The following RB1 variants were observed in gnomAD, a reference collection of about 807,000 sequenced individuals.
RB1 encodes RB transcriptional corepressor 1.
In RB1, 18 loss-of-function variants were observed where a neutral mutation model predicts 135.4. That is an observed-to-expected ratio of 0.13 (90% CI 0.09 to 0.20). The LOEUF (loss-of-function observed/expected upper bound fraction) is 0.20, where lower values mean the gene tolerates loss of function less well. Among genes scored for constraint, RB1 ranks in the 10% least tolerant of loss-of-function variants. The pLI, the probability that RB1 is intolerant of heterozygous loss-of-function variation, is 1.00. For missense variants in RB1, 868 were observed against 1,110.0 expected (o/e 0.78, Z 3.10); for synonymous variants, 365 against 373.2 (o/e 0.98, Z 0.25).
At position 48,480,170 on chromosome 13, in the gene RB1, T is replaced by C. The variant is rs1202390798; in HGVS notation, c.*99T>C. ...TTCCCAGGTTCTGTTTATGGCCACA[T>C]TTAATATCTTCAGCTCTTTTTGTGG... On this transcript the variant is annotated 3_prime_UTR_variant, in exon 27 of 27. Transcript: ENST00000267163. The C allele has an allele frequency of 2.1e-6, 2 of 963,910 alleles. No individual in the cohort carries two copies. The highest frequency in any genetic ancestry group is 3.3e-6 in the Non-Finnish European group (2 of 605,272). 59.7% of individuals were successfully genotyped at this position (963,910 alleles called of 1,614,324 possible).
intron 17 of RB1, chr13:48,411,421 T>C (rs1948798065): frequency 2.5e-6 from 4 of 1,612,692 alleles, no homozygotes; most frequent in African/African-American, 2.7e-5. Context: ...AATATCTTAC[T>C]TTTTAAGGTC....
At chr13:48,472,166 A>G (rs1949474908) in intron 23 of RB1, among the ~76,000 whole-genome samples, 1 of 152,216 alleles carries the variant, frequency 6.6e-6, no homozygotes, top group East Asian at 1.9e-4. Flanking sequence ...ATGTAGTCTC[A>G]TCTCAGAAAT....
At chr13:48,336,042 T>TGG (rs1952382258) in intron 2 of RB1, among the ~76,000 whole-genome samples, 2 of 152,052 alleles carry the variant, frequency 1.3e-5, no homozygotes, top group South Asian at 4.1e-4. Context: ...AAAAGTTGCA[T>TGG]GGAGGTATAC....
intron 2 of RB1, among the ~76,000 whole-genome samples, chr13:48,323,888 A>T (rs928017396): frequency 1.3e-5 from 2 of 152,050 alleles, no homozygotes; most frequent in East Asian, 3.8e-4. Context: ...AGCTTTCATG[A>T]TAGCATGCAT....
At chr13:48,400,997 A>T (rs1368846032) in intron 17 of RB1, among the ~76,000 whole-genome samples, 1 of 152,152 alleles carries the variant, frequency 6.6e-6, no homozygotes, top group African/African-American at 2.4e-5. Context: ...GGGAAAAGGC[A>T]TCATGGGACT....
chr13:48,456,643 C>G (rs1350954137), intron 19 of RB1, among the ~76,000 whole-genome samples: 1 of 152,250 alleles, frequency 6.6e-6, no homozygotes, highest in East Asian at 1.9e-4. Context: ...TCGGCTCACA[C>G]TACCGGCCTG....
intron 17 of RB1, among the ~76,000 whole-genome samples, chr13:48,432,290 T>C (rs1425452311): frequency 2.0e-5 from 3 of 152,318 alleles, no homozygotes; most frequent in East Asian, 1.9e-4. Context: ...TCACTCACCA[T>C]GTTCATGTCC....
Position 48,319,746 on chromosome 13 carries a change from G to T in RB1, c.264+12340G>T. ...GTTTGGGTCTGGTTTTTTATCTATT[G>T]ACCCCATCACATTTTTGGGTCGCAT... On this transcript the variant is annotated intron_variant, in intron 2 of 26. Coordinates refer to ENST00000267163, the MANE Select transcript of RB1 (RefSeq NM_000321.3). This position sits in a 1 kb window ranked among gnomAD's most constrained non-coding sequence, Gnocchi z 5.0. 3.6e-6 allele frequency: 1 copy of T among 274,452 alleles called. No homozygotes were observed. Among genetic ancestry groups the T allele is most frequent in the Non-Finnish European group, 7.5e-6 (1 of 133,810 alleles). The allele number at this position is 274,452 out of a possible 1,614,324, so 17.0% of individuals were successfully genotyped here.
At chr13:48,426,161 G>T (rs1949076970) in intron 17 of RB1, among the ~76,000 whole-genome samples, 1 of 152,118 alleles carries the variant, frequency 6.6e-6, no homozygotes, top group South Asian at 2.1e-4. Flanking sequence ...ATGCCCTTTT[G>T]ACCTTATGAA....
intron 11 of RB1, 97 bp downstream of exon 11, chr13:48,368,701 ACATGT>A: frequency 2.7e-6 from 4 of 1,485,564 alleles, no homozygotes; most frequent in Non-Finnish European, 2.7e-6. Flanking sequence ...ATTCATACAT[ACATGT>A]AAGAAATATA....
At chr13:48,318,437 C>T in intron 2 of RB1, 3 of 1,469,908 alleles carry the variant, frequency 2.0e-6, no homozygotes, top group Non-Finnish European at 2.8e-6. Context: ...GGGAGCTGCT[C>T]TTGTCTTCGG....
At chr13:48,382,946 T>C (rs1948547290) in intron 17 of RB1, among the ~76,000 whole-genome samples, 1 of 152,156 alleles carries the variant, frequency 6.6e-6, no homozygotes, top group Non-Finnish European at 1.5e-5. Context: ...ATTTATTAAA[T>C]AGGGAATCCT....
intron 2 of RB1, among the ~76,000 whole-genome samples, chr13:48,308,304 C>G (rs7323571): frequency 6.6e-6 from 1 of 151,080 alleles, no homozygotes; most frequent in East Asian, 1.9e-4. Flanking sequence ...AAGCCAAGAT[C>G]GCACCACTGC....
chr13:48,317,499 G>T, intron 2 of RB1: 1 of 458,826 alleles, frequency 2.2e-6, no homozygotes, highest in Non-Finnish European at 4.0e-6. Context: ...CGCAGCCCAT[G>T]TGAAAGCTCC....
intron 17 of RB1, among the ~76,000 whole-genome samples, chr13:48,442,669 A>C (rs1949249837): frequency 6.6e-6 from 1 of 152,150 alleles, no homozygotes; most frequent in Non-Finnish European, 1.5e-5. Context: ...CAGATAAGTG[A>C]CTATTTTAGT....
At chr13:48,355,431 A>T (rs555672796) in intron 6 of RB1, among the ~76,000 whole-genome samples, 1 of 152,260 alleles carries the variant, frequency 6.6e-6, no homozygotes, top group South Asian at 2.1e-4. Context: ...AATGCTGGCT[A>T]GGATGTGGAG....
Position 48,359,986 on chromosome 13 carries a change from C to G in RB1, c.608-31C>G, listed in dbSNP as rs3092866. 2.5e-6 allele frequency: 4 copies of G among 1,607,392 alleles called. No individual in the cohort carries two copies. In the African/African-American group the frequency reaches 5.4e-5, roughly 22 times the overall value. Reference sequence around the variant, plus strand: ...CTCATACAAAGATCTGAATCTCTAACTTTCTTTAAAAATGTACATTTTTTT... The same window carrying G: ...CTCATACAAAGATCTGAATCTCTAAGTTTCTTTAAAAATGTACATTTTTTT... On this transcript the variant is annotated intron_variant, in intron 6 of 26. Coordinates refer to ENST00000267163, the MANE Select transcript of RB1 (RefSeq NM_000321.3).
rs117538467 is a variant in RB1, at chr13:48,379,238, G to C, written c.1333-356G>C. On this transcript the variant is annotated intron_variant, in intron 13 of 26. Coordinates refer to ENST00000267163, the MANE Select transcript of RB1 (RefSeq NM_000321.3). The stretch of plus-strand genomic sequence containing the variant: ...TGGAGTTAAGGAAATCCAGGTACTG[G>C]ACCTACCCTCTTGTTAATTTACTTG... Among the ~76,000 whole-genome samples the C allele has an allele frequency of 5.5e-3, 844 of 152,214 alleles. 5 individuals are homozygous for C. The highest frequency in any genetic ancestry group is 0.01 in the Middle Eastern group (3 of 294).
chr13:48,369,471 T>C (rs1042651400), intron 11 of RB1, among the ~76,000 whole-genome samples: 9 of 152,212 alleles, frequency 5.9e-5, no homozygotes, highest in Non-Finnish European at 1.3e-4. Flanking sequence ...CTCCTAGAAA[T>C]GTAAATCAGT....
Sources: gnomAD v4.1 joint callset for allele counts (sites outside exome capture counted in the v4.1 genomes callset) on GRCh38, gnomAD v4.1.1 for gene constraint, Gnocchi (gnomAD v3.1) non-coding constraint, MANE v1.5 for transcripts, NCBI Gene and HGNC (gene_info 2026-07-23, HGNC 2026-07-21) for gene names.